Variants in NPHP4 observed in about 807,000 individuals in gnomAD.
NPHP4 encodes the protein nephrocystin 4.
NPHP4 carries 151 observed loss-of-function variants against 155.8 expected under a neutral mutation model. That is an observed-to-expected ratio of 0.97 (90% CI 0.85 to 1.11). NPHP4 has a LOEUF of 1.11. Among genes scored for constraint, NPHP4 ranks in the 50% least tolerant of loss-of-function variants. NPHP4 has a pLI of 0.00. For missense variants in NPHP4, 1,956 were observed against 1,925.7 expected (o/e 1.02, Z -0.29); for synonymous variants, 845 against 816.8 (o/e 1.03, Z -0.59).
chr1:5,940,534 C>T, intron 9 of NPHP4, among the ~76,000 whole-genome samples: 1 of 152,096 alleles, frequency 6.6e-6, no homozygotes, highest in African/African-American at 2.4e-5. Flanking sequence ...ACAATTACCT[C>T]AAAATACAAA....
At chr1:5,942,930 A>C (rs1163657712) in intron 9 of NPHP4, among the ~76,000 whole-genome samples, 1 of 152,196 alleles carries the variant, frequency 6.6e-6, no homozygotes, top group East Asian at 1.9e-4. Context: ...AAGACACCGG[A>C]TCTGGTGATT....
intron 16 of NPHP4, among the ~76,000 whole-genome samples, chr1:5,900,443 A>T (rs2312464): frequency 3.9e-5 from 6 of 151,938 alleles, no homozygotes; most frequent in East Asian, 1.9e-4. Flanking sequence ...TGCTGGGGGG[A>T]AGAAACCAGT....
intron 16 of NPHP4, among the ~76,000 whole-genome samples, chr1:5,903,397 C>G (rs991890607): frequency 3.3e-5 from 5 of 152,202 alleles, no homozygotes; most frequent in African/African-American, 1.2e-4. Context: ...TGTTAGGCTA[C>G]TTCATTTGAG....
chr1:5,963,754 C>G (rs1453333635), intron 5 of NPHP4, among the ~76,000 whole-genome samples: 1 of 145,936 alleles, frequency 6.9e-6, no homozygotes, highest in Admixed American at 7.0e-5. Flanking sequence ...GTGGCATGAT[C>G]TCGGCTCACT....
At chr1:5,982,254 G>A (rs916239391) in intron 2 of NPHP4, among the ~76,000 whole-genome samples, 2 of 152,140 alleles carry the variant, frequency 1.3e-5, no homozygotes, top group Admixed American at 6.6e-5. Context: ...GCAACAGACT[G>A]TATATATGAC....
At chr1:5,972,630 CAT>C (rs2102296332) in intron 3 of NPHP4, among the ~76,000 whole-genome samples, 1 of 152,256 alleles carries the variant, frequency 6.6e-6, no homozygotes, top group East Asian at 1.9e-4. Context: ...TGGAAAAGCA[CAT>C]GACTAAATAC....
chr1:5,925,140 C>A (rs1645931327), intron 11 of NPHP4, among the ~76,000 whole-genome samples: 1 of 152,142 alleles, frequency 6.6e-6, no homozygotes, highest in South Asian at 2.1e-4. Flanking sequence ...CAGAGTGGAT[C>A]CATGGGTTCT....
chr1:5,930,443 T>A (rs944318760), intron 10 of NPHP4, among the ~76,000 whole-genome samples: 2 of 152,232 alleles, frequency 1.3e-5, no homozygotes, highest in Non-Finnish European at 2.9e-5. Context: ...GCTAAGCATA[T>A]TTGAGCTGCA....
Position 5,944,400 on chromosome 1 carries a change from G to A in NPHP4, c.1119+2704C>T, listed in dbSNP as rs1393160532. Among the ~76,000 whole-genome samples, 1 of 152,218 alleles carries A rather than the reference G, an allele frequency of 6.6e-6. No individual in the cohort carries two copies. The highest frequency in any genetic ancestry group is 1.5e-5 in the Non-Finnish European group (1 of 68,040). On this transcript the variant is annotated intron_variant, in intron 9 of 29. Transcript: ENST00000378156. The surrounding 1 kb of genome is among the most constrained non-coding windows in gnomAD (Gnocchi z 4.3). ...AGGGCCCTGCCACAGCCCGCCCTGGGCCTTCCAAGGAGCGCGCTGGGCTCC... is the reference window on the plus strand; with the variant it reads ...AGGGCCCTGCCACAGCCCGCCCTGGACCTTCCAAGGAGCGCGCTGGGCTCC...
chr1:5,934,878 C>G (rs1646455635), intron 9 of NPHP4, among the ~76,000 whole-genome samples: 1 of 152,192 alleles, frequency 6.6e-6, no homozygotes, highest in South Asian at 2.1e-4. Context: ...AGGCAAGACT[C>G]CAGTGGTGGT....
At chr1:5,991,138 C>T (rs1208681896) in intron 1 of NPHP4, among the ~76,000 whole-genome samples, 2 of 151,922 alleles carry the variant, frequency 1.3e-5, no homozygotes, top group Non-Finnish European at 2.9e-5. Context: ...ATGCCTGAGA[C>T]CCAGATGCCT....
At position 5,864,452 on chromosome 1, in the gene NPHP4, C is replaced by T. The variant is rs367814493; in HGVS notation, c.3882G>A (p.Arg1294=). 1 of 1,606,268 alleles carries T rather than the reference C, an allele frequency of 6.2e-7. No individual in the cohort carries two copies. The highest frequency in any genetic ancestry group is 8.5e-7 in the Non-Finnish European group (1 of 1,176,822). ...CAAAGCGGCTGCCGGCCCTAAGGGG[C>T]CTCACGCCAACATGCAGGTCCTGCA... is the stretch of plus-strand genomic sequence containing the variant. ...RGVQDLHVGV[R]PLRAGSRFVH... is the part of the protein sequence containing the mutation. The change falls in exon 28 of 30, where the codon AGG becomes AGA. Residue 1294 remains arginine, a synonymous_variant. Transcript: ENST00000378156.
chr1:5,905,829 C>A lies in NPHP4; in HGVS notation c.1612-46G>T. 1 of 1,555,692 alleles carries A rather than the reference C, an allele frequency of 6.4e-7. No individual in the cohort carries two copies. The highest frequency in any genetic ancestry group is 8.7e-7 in the Non-Finnish European group (1 of 1,146,714). On this transcript the variant is annotated intron_variant, in intron 13 of 29. Transcript: ENST00000378156. This position sits in a 1 kb window ranked among gnomAD's most constrained non-coding sequence, Gnocchi z 4.0. ...CAAGTGAGGCCACCAAGGACCCCAA[C>A]CCGTAACAACCAACGGTGCTCAGAT...
rs960132503 is a variant in NPHP4 at position 5,866,563 on chromosome 1, T to A, written c.3559-105A>T. Reference sequence around the variant, plus strand: ...CACGCAGCGAGTGACGGCCAGTCCCTCCCAGAACGCATCTGTTCATGTTCT... The same window carrying A: ...CACGCAGCGAGTGACGGCCAGTCCCACCCAGAACGCATCTGTTCATGTTCT... On this transcript the variant is annotated intron_variant, in intron 25 of 29. Transcript: ENST00000378156. 61 of 702,440 alleles carry A rather than the reference T, an allele frequency of 8.7e-5. 1 individual carries two copies. In the Middle Eastern group the frequency reaches 3.3e-3, roughly 38 times the overall value. 43.5% of individuals were successfully genotyped at this position (702,440 alleles called of 1,614,324 possible).
At chr1:5,885,688 C>T (rs1380620440) in intron 18 of NPHP4, among the ~76,000 whole-genome samples, 2 of 152,202 alleles carry the variant, frequency 1.3e-5, no homozygotes. Context: ...GAATCCAGGC[C>T]GAGGCCGAGG....
intron 11 of NPHP4, among the ~76,000 whole-genome samples, chr1:5,917,541 A>G (rs1645539061): frequency 6.6e-6 from 1 of 152,102 alleles, no homozygotes. Context: ...GAGCCAATAC[A>G]TTCTCTCTTG....
In NPHP4 at chr1:5,891,002, T is replaced by G. The variant is rs886598057; in HGVS notation, c.2170A>C (p.Met724Leu). ...GGCTTCAGGAACCCAGGGCCCACCA[T>G]GTACCTCAGCTGGAAGCCAGGAGAC... ...AGSPGFQLRY[M>L]VGPGFLKPGE... is the part of the protein sequence containing the mutation. The change falls in exon 17 of 30, where the codon ATG becomes CTG. Residue 724 changes from methionine to leucine, a missense_variant. Transcript: ENST00000378156. 1 of 1,564,970 alleles carries G rather than the reference T, an allele frequency of 6.4e-7. No individual in the cohort carries two copies. The highest frequency in any genetic ancestry group is 8.7e-7 in the Non-Finnish European group (1 of 1,143,560).
chr1:5,874,770 A>C (rs2100627285), intron 21 of NPHP4, 104 bp downstream of exon 21: 1 of 1,515,894 alleles, frequency 6.6e-7, no homozygotes, highest in Non-Finnish European at 9.1e-7. Context: ...GAGAAGTCAA[A>C]TCGCCCCGGC....
At position 5,890,460 on chromosome 1, in the gene NPHP4, G is replaced by A. The variant is rs963870307; in HGVS notation, c.2304+408C>T. On this transcript the variant is annotated intron_variant, in intron 17 of 29. Transcript: ENST00000378156. The surrounding 1 kb of genome is among the most constrained non-coding windows in gnomAD (Gnocchi z 4.9). ...CACCAGAATGAGAAAAGAACAACAC[G>A]TCACTGACCTTAGGAATCAGGTCAC... is the stretch of plus-strand genomic sequence containing the variant. 5.3e-5 allele frequency among the ~76,000 whole-genome samples: 8 copies of A among 152,198 alleles called. No individual in the cohort carries two copies. The highest frequency in any genetic ancestry group is 1.9e-4 in the East Asian group (1 of 5,146).
Sources: allele counts gnomAD v4.1 joint callset (sites outside exome capture counted in the v4.1 genomes callset), GRCh38; gene constraint gnomAD v4.1.1; non-coding constraint Gnocchi (gnomAD v3.1); transcripts MANE v1.5; gene names NCBI Gene and HGNC (gene_info 2026-07-23, HGNC 2026-07-21).